VSTM2B: variants seen among roughly 807,000 people sequenced by gnomAD.
VSTM2B encodes V-set and transmembrane domain-containing protein 2B.
In VSTM2B, 24 loss-of-function variants were observed where a neutral mutation model predicts 24.0. That is an observed-to-expected ratio of 1.00 (90% CI 0.72 to 1.40). VSTM2B has a LOEUF of 1.40. Ranked by LOEUF, VSTM2B falls within the 40% of genes most tolerant of loss-of-function variation. The pLI, the probability that VSTM2B is intolerant of heterozygous loss-of-function variation, is 0.00. For synonymous variants in VSTM2B, 226 were observed against 194.4 expected, an observed-to-expected ratio of 1.16 and a Z score of -1.35; for missense variants, 399 against 416.4, an observed-to-expected ratio of 0.96 and a Z score of 0.36.
chr19:29,554,263 C>T (rs887955818), intron 4 of VSTM2B, among the ~76,000 whole-genome samples: 4 of 152,108 alleles, frequency 2.6e-5, no homozygotes, highest in Non-Finnish European at 5.9e-5. Flanking sequence ...AACTGGGGGC[C>T]AATATTCAAC....
intron 4 of VSTM2B, among the ~76,000 whole-genome samples, chr19:29,547,085 C>A (rs1324984288): frequency 1.3e-5 from 2 of 152,144 alleles, no homozygotes; most frequent in African/African-American, 4.8e-5. Flanking sequence ...CTCAGTGTGG[C>A]CTTGGTTGGG....
chr19:29,539,055 A>C (rs923619017), intron 4 of VSTM2B, among the ~76,000 whole-genome samples: 2 of 152,074 alleles, frequency 1.3e-5, no homozygotes, highest in African/African-American at 4.8e-5. Flanking sequence ...GCACCATTTC[A>C]AGGGGGGAAG....
chr19:29,557,483 A>AG (rs1555752284), intron 4 of VSTM2B, among the ~76,000 whole-genome samples: 1 of 152,216 alleles, frequency 6.6e-6, no homozygotes, highest in Non-Finnish European at 1.5e-5. Context: ...GGATCACCTG[A>AG]GGTCAGGAGT....
rs928703931 is a variant in VSTM2B at position 29,554,999 on chromosome 19, C to A, written c.770-8847C>A. 3.3e-5 allele frequency among the ~76,000 whole-genome samples: 5 copies of A among 152,054 alleles called. 1 individual carries two copies. Among genetic ancestry groups the A allele is most frequent in the Admixed American group, 2.0e-4 (3 of 15,262 alleles). Reference sequence around the variant, plus strand: ...TAACACCCCATTGTCAATATTAGATCATTGAGACAGAAAATTAACAAGGAT... The same window carrying A: ...TAACACCCCATTGTCAATATTAGATAATTGAGACAGAAAATTAACAAGGAT... On this transcript the variant is annotated intron_variant, in intron 4 of 4. Coordinates refer to ENST00000335523, the MANE Select transcript of VSTM2B (RefSeq NM_001146339.2).
chr19:29,539,517 C>T (rs1280053774), intron 4 of VSTM2B, among the ~76,000 whole-genome samples: 1 of 152,074 alleles, frequency 6.6e-6, no homozygotes, highest in Non-Finnish European at 1.5e-5. Context: ...TCACTGGGGC[C>T]TTTACAGAGA....
At chr19:29,557,066 T>C (rs905059426) in intron 4 of VSTM2B, among the ~76,000 whole-genome samples, 1 of 152,098 alleles carries the variant, frequency 6.6e-6, no homozygotes, top group Non-Finnish European at 1.5e-5. Context: ...AAAGAGTCCA[T>C]ATAGCCAAGA....
chr19:29,557,053 C>G (rs1176432601), intron 4 of VSTM2B, among the ~76,000 whole-genome samples: 1 of 151,974 alleles, frequency 6.6e-6, no homozygotes, highest in African/African-American at 2.4e-5. Context: ...ATATGGAGCC[C>G]AAAAAGAGTC....
chr19:29,552,638 G>A (rs1442707263), intron 4 of VSTM2B, among the ~76,000 whole-genome samples: 1 of 152,244 alleles, frequency 6.6e-6, no homozygotes, highest in African/African-American at 2.4e-5. Context: ...CTCAGCTAGA[G>A]ACTGCCTAAG....
Position 29,526,470 on chromosome 19 carries a change from C to G in VSTM2B, c.-114C>G. ...GGCGGCCAGGGGAGGGGGCGCCGCG[C>G]GGGGCCATGGCAGGCTCGGAGGCGT... On this transcript the variant is annotated 5_prime_UTR_variant, in exon 1 of 5. Transcript: ENST00000335523. This position sits in a 1 kb window ranked among gnomAD's most constrained non-coding sequence, Gnocchi z 4.1. The G allele has an allele frequency of 1.7e-6, 1 of 590,180 alleles. No individual in the cohort carries two copies. The allele number at this position is 590,180 out of a possible 1,614,324, so 36.6% of individuals were successfully genotyped here.
At chr19:29,553,598 A>G (rs375403499) in intron 4 of VSTM2B, among the ~76,000 whole-genome samples, 4 of 152,360 alleles carry the variant, frequency 2.6e-5, no homozygotes, top group African/African-American at 9.6e-5. Context: ...AATGGGGCAG[A>G]GGCTGAGATG....
chr19:29,558,874 T>A (rs868196192), intron 4 of VSTM2B, among the ~76,000 whole-genome samples: 4 of 152,154 alleles, frequency 2.6e-5, no homozygotes, highest in African/African-American at 9.7e-5. Flanking sequence ...AAATAAAAAT[T>A]TTTTTAAAAA....
Position 29,526,828 on chromosome 19 carries a change from G to GGTC in VSTM2B, c.82+165_82+167dup, listed in dbSNP as rs1599871966. ...GGGTAGGGAGAGGCGAGCGGCGAAG[G>GGTC]GTCGCCGCAGCAGCAGCGCCGCGCC... On this transcript the variant is annotated intron_variant, in intron 1 of 4. Coordinates refer to ENST00000335523, the MANE Select transcript of VSTM2B (RefSeq NM_001146339.2). This position sits in a 1 kb window ranked among gnomAD's most constrained non-coding sequence, Gnocchi z 4.1. 1.2e-5 allele frequency: 7 copies of GGTC among 608,022 alleles called. No homozygotes were observed. In the East Asian group the frequency reaches 2.4e-4, roughly 21 times the overall value. 37.7% of individuals were successfully genotyped at this position (608,022 alleles called of 1,614,324 possible).
In VSTM2B at chr19:29,535,592, G is replaced by C. The variant is rs143986372; in HGVS notation, c.769+5302G>C. On this transcript the variant is annotated intron_variant, in intron 4 of 4. Coordinates refer to ENST00000335523, the MANE Select transcript of VSTM2B (RefSeq NM_001146339.2). ...TGGGTATGATGGCTGTAGAGAGGCT[G>C]TGGCTGCTGGGAGCCGTCAAAGGGG... Among the ~76,000 whole-genome samples, 655 of 152,346 alleles carry C rather than the reference G, an allele frequency of 4.3e-3. 1 individual carries two copies. Among genetic ancestry groups the C allele is most frequent in the South Asian group, 0.011 (53 of 4,822 alleles).
intron 4 of VSTM2B, among the ~76,000 whole-genome samples, chr19:29,534,730 G>T (rs796730817): frequency 7.0e-6 from 1 of 142,220 alleles, no homozygotes; most frequent in Non-Finnish European, 1.5e-5. Flanking sequence ...AAAAAAAAAA[G>T]AAAGAAAGAA....
At chr19:29,529,096 G>C (rs1181202053) in intron 3 of VSTM2B, 3 of 985,370 alleles carry the variant, frequency 3.0e-6, no homozygotes, top group Non-Finnish European at 3.6e-6. Flanking sequence ...TCGGTTCAGA[G>C]GTGAGGGCTC....
intron 4 of VSTM2B, among the ~76,000 whole-genome samples, chr19:29,554,293 A>G (rs1207739756): frequency 6.6e-6 from 1 of 152,234 alleles, no homozygotes; most frequent in Non-Finnish European, 1.5e-5. Context: ...AGAATTTCCA[A>G]CACAGAATAT....
intron 4 of VSTM2B, among the ~76,000 whole-genome samples, chr19:29,548,950 G>C (rs1281072792): frequency 6.6e-6 from 1 of 152,210 alleles, no homozygotes; most frequent in African/African-American, 2.4e-5. Flanking sequence ...GCTCACCCTG[G>C]GCCCAGGCTG....
intron 2 of VSTM2B, among the ~76,000 whole-genome samples, chr19:29,527,724 C>G (rs896115065): frequency 1.3e-5 from 2 of 152,164 alleles, no homozygotes; most frequent in Non-Finnish European, 2.9e-5. Context: ...AAGGAAGCCC[C>G]CTTGGTCCCA....
chr19:29,528,821 G>GC, intron 3 of VSTM2B: 1 of 847,754 alleles, frequency 1.2e-6, no homozygotes, highest in Non-Finnish European at 1.4e-6. Flanking sequence ...GCTCGCCCTC[G>GC]CCGCGACCGT....
Sources: gnomAD v4.1 joint callset for allele counts (sites outside exome capture counted in the v4.1 genomes callset) on GRCh38, gnomAD v4.1.1 for gene constraint, Gnocchi (gnomAD v3.1) non-coding constraint, MANE v1.5 for transcripts, NCBI Gene and HGNC (gene_info 2026-07-23, HGNC 2026-07-21) for gene names.